KCNMA1: variants seen among roughly 807,000 people sequenced by gnomAD.
KCNMA1 encodes potassium calcium-activated channel subfamily M alpha 1.
In KCNMA1, 29 loss-of-function variants were observed where a neutral mutation model predicts 140.0. The observed-to-expected ratio is 0.21, with a 90% CI of 0.15 to 0.28. The LOEUF (loss-of-function observed/expected upper bound fraction) is 0.28, where lower values mean the gene tolerates loss of function less well. Among genes scored for constraint, KCNMA1 ranks in the 10% least tolerant of loss-of-function variants. The pLI, the probability that KCNMA1 is intolerant of heterozygous loss-of-function variation, is 1.00. For synonymous variants in KCNMA1, 612 were observed against 611.9 expected (o/e 1.00, Z 0.00); for missense variants, 880 against 1,602.2 (o/e 0.55, Z 7.70).
intron 1 of KCNMA1, among the ~76,000 whole-genome samples, chr10:77,443,705 G>A (rs74483994): frequency 0.062 from 9,460 of 152,122 alleles, 966 homozygotes; most frequent in African/African-American, 0.21. Flanking sequence ...CAACATCTGA[G>A]CTCCACCTCT....
intron 16 of KCNMA1, among the ~76,000 whole-genome samples, chr10:77,025,242 G>GTGTGTATATA (rs1436772387): frequency 1.4e-4 from 6 of 42,740 alleles, no homozygotes; most frequent in Admixed American, 3.5e-4. Flanking sequence ...GGGTGTGTGT[G>GTGTGTATATA]TATATATATA....
At chr10:77,271,844 A>T (rs973740012) in intron 2 of KCNMA1, among the ~76,000 whole-genome samples, 1 of 152,162 alleles carries the variant, frequency 6.6e-6, no homozygotes, top group Non-Finnish European at 1.5e-5. Flanking sequence ...TGGGGGAAAA[A>T]AAAAGCTCAG....
At chr10:77,012,439 G>C (rs1196529857) in intron 17 of KCNMA1, 1 of 1,549,610 alleles carries the variant, frequency 6.5e-7, no homozygotes, top group Non-Finnish European at 8.7e-7. Context: ...CCACAGTCTG[G>C]TCAAATATAT....
rs75040504 is a variant in KCNMA1 at position 77,637,553 on chromosome 10, G to T, written c.90C>A (p.His30Gln). The change falls in exon 1 of 28, where the codon CAC becomes CAA. Residue 30 changes from histidine to glutamine, a missense_variant. By Grantham distance (24) the His-to-Gln change is conservative (BLOSUM62 0). Coordinates refer to ENST00000286628, the MANE Select transcript of KCNMA1 (RefSeq NM_001161352.2). ...ACGCGTCTAGGCTGAGATGGTTCGC[G>T]TGGATATTGCTACTCATTCTAAGAC... ...GSSLRMSSNIHANHLSLDASS... is the reference protein window; with the variant it reads ...GSSLRMSSNIQANHLSLDASS... 8 of 1,543,314 alleles carry T rather than the reference G, an allele frequency of 5.2e-6. No homozygotes were observed. Among genetic ancestry groups the T allele is most frequent in the African/African-American group, 4.1e-5 (3 of 73,008 alleles).
chr10:77,512,918 G>A (rs909523982), intron 1 of KCNMA1, among the ~76,000 whole-genome samples: 2 of 152,186 alleles, frequency 1.3e-5, no homozygotes, highest in Non-Finnish European at 2.9e-5. Flanking sequence ...GCAGTGGCCT[G>A]AGGGGCCCTT....
At chr10:77,188,507 G>A (rs760147477) in intron 3 of KCNMA1, among the ~76,000 whole-genome samples, 4 of 152,142 alleles carry the variant, frequency 2.6e-5, no homozygotes, top group Admixed American at 1.3e-4. Context: ...TTAGCATGTT[G>A]ACCAGGACTC....
chr10:77,154,899 A>G (rs1009985566), intron 5 of KCNMA1, among the ~76,000 whole-genome samples: 3 of 152,234 alleles, frequency 2.0e-5, no homozygotes, highest in African/African-American at 7.2e-5. Flanking sequence ...CACAAATTCC[A>G]GTGAGGGACA....
At chr10:77,293,027 A>C (rs1382074978) in intron 2 of KCNMA1, among the ~76,000 whole-genome samples, 2 of 152,200 alleles carry the variant, frequency 1.3e-5, no homozygotes, top group Non-Finnish European at 2.9e-5. Context: ...TTGAAAGGCC[A>C]GGAGAAGAGC....
intron 1 of KCNMA1, among the ~76,000 whole-genome samples, chr10:77,604,655 C>T (rs922384060): frequency 7.9e-5 from 12 of 152,148 alleles, no homozygotes; most frequent in Non-Finnish European, 1.3e-4. Context: ...CCACTGCACT[C>T]CAGCCTGCAC....
chr10:76,891,625 G>A lies in KCNMA1; in HGVS notation c.3242C>T (p.Ala1081Val), dbSNP rs1386487559. ...CGGGGTGCTGTAGCCACCTCTAAGGGCGTTTTCCTCAGCAATCAGAGCCTC... is the reference window on the plus strand; with the variant it reads ...CGGGGTGCTGTAGCCACCTCTAAGGACGTTTTCCTCAGCAATCAGAGCCTC... ...ELEALIAEEN[A>V]LRGGYSTPQT... The change falls in exon 26 of 28, where the codon GCC becomes GTC. Residue 1081 changes from alanine to valine, a missense_variant. Physicochemically the swap from Ala to Val is moderately conservative, Grantham distance 64. Around this residue, in one of 13 missense-constraint regions of KCNMA1, gnomAD observed 31 missense variants for 38.8 expected, o/e 0.80. Transcript: ENST00000286628. 6.2e-7 allele frequency: 1 copy of A among 1,614,078 alleles called. No individual in the cohort carries two copies. The highest frequency in any genetic ancestry group is 8.5e-7 in the Non-Finnish European group (1 of 1,180,016).
rs904843055 is a variant in KCNMA1, at chr10:77,577,094, A to C, written c.378+60171T>G. On this transcript the variant is annotated intron_variant, in intron 1 of 27. Coordinates refer to ENST00000286628, the MANE Select transcript of KCNMA1 (RefSeq NM_001161352.2). Reference sequence around the variant, plus strand: ...TGACCCCATGTTGACGAGCCTACACACTCTCTTTTTTTTTCTTTCCTCGGC... The same window carrying C: ...TGACCCCATGTTGACGAGCCTACACCCTCTCTTTTTTTTTCTTTCCTCGGC... Among the ~76,000 whole-genome samples, 7 of 146,162 alleles carry C rather than the reference A, an allele frequency of 4.8e-5. No homozygotes were observed. In the East Asian group the frequency reaches 6.1e-4, roughly 13 times the overall value.
chr10:77,584,512 G>A (rs1162008815), intron 1 of KCNMA1, among the ~76,000 whole-genome samples: 5 of 152,092 alleles, frequency 3.3e-5, no homozygotes, highest in African/African-American at 7.2e-5. Flanking sequence ...ATGCCACCAC[G>A]CCCAGCTAAT....
At chr10:77,128,321 C>T in intron 5 of KCNMA1, among the ~76,000 whole-genome samples, 1 of 150,742 alleles carries the variant, frequency 6.6e-6, no homozygotes, top group East Asian at 1.9e-4. Context: ...CCCATGAATT[C>T]TAAAATATAT....
chr10:77,427,792 C>A (rs2097056545), intron 1 of KCNMA1, among the ~76,000 whole-genome samples: 1 of 151,814 alleles, frequency 6.6e-6, no homozygotes. Context: ...CTCTGTCACC[C>A]AGGCTGGAGT....
intron 3 of KCNMA1, among the ~76,000 whole-genome samples, chr10:77,242,128 G>A (rs567249064): frequency 1.2e-4 from 19 of 152,138 alleles, no homozygotes; most frequent in South Asian, 1.0e-3. Flanking sequence ...TGCAAAGCAC[G>A]TCGCACACTG....
intron 1 of KCNMA1, among the ~76,000 whole-genome samples, chr10:77,439,149 AAAGAG>A (rs1283384125): frequency 8.2e-5 from 7 of 85,208 alleles, no homozygotes; most frequent in African/African-American, 1.3e-4. Context: ...AGAGAAGAGA[AAAGAG>A]AAGAGAAGAA....
intron 16 of KCNMA1, among the ~76,000 whole-genome samples, chr10:77,021,517 C>A (rs2092848084): frequency 6.6e-6 from 1 of 152,210 alleles, no homozygotes; most frequent in South Asian, 2.1e-4. Flanking sequence ...GCCCTATTGG[C>A]ATTGAAAGAC....
intron 19 of KCNMA1, among the ~76,000 whole-genome samples, chr10:76,989,867 T>C (rs1049659351): frequency 2.0e-5 from 3 of 151,828 alleles, no homozygotes; most frequent in South Asian, 2.1e-4. Flanking sequence ...TTTCCATCAA[T>C]ACTATGGGAG....
At position 76,886,431 on chromosome 10, in the gene KCNMA1, G is replaced by A. The variant is rs578240851; in HGVS notation, c.*835C>T. 1.7e-5 allele frequency: 17 copies of A among 984,652 alleles called. No homozygotes were observed. The highest frequency in any genetic ancestry group is 1.9e-5 in the Non-Finnish European group (16 of 829,628). 61.0% of individuals were successfully genotyped at this position (984,652 alleles called of 1,614,324 possible). ...GCTTTTCATCCCAAATGTCAAAAGT[G>A]AAAGAAAAAAAATAGCTATTCATAT... is the stretch of plus-strand genomic sequence containing the variant. On this transcript the variant is annotated 3_prime_UTR_variant, in exon 28 of 28. Coordinates refer to ENST00000286628, the MANE Select transcript of KCNMA1 (RefSeq NM_001161352.2).
Sources: gnomAD v4.1 joint callset for allele counts (sites outside exome capture counted in the v4.1 genomes callset) on GRCh38, gnomAD v4.1.1 for gene constraint, gnomAD v4.1.1 regional missense constraint, MANE v1.5 for transcripts, NCBI Gene and HGNC (gene_info 2026-07-23, HGNC 2026-07-21) for gene names.